Variants in CBFA2T3 observed in about 807,000 individuals in gnomAD.
CBFA2T3 encodes CBFA2/RUNX1 partner transcriptional co-repressor 3, also known as transcriptional corepressor CBFA2T3.
In CBFA2T3, 31 loss-of-function variants were observed where a neutral mutation model predicts 58.6. That is an observed-to-expected ratio of 0.53 (90% CI 0.40 to 0.71). CBFA2T3 has a LOEUF of 0.71. Among genes scored for constraint, CBFA2T3 ranks in the 30% least tolerant of loss-of-function variants. The pLI is 0.00. For synonymous variants in CBFA2T3, 531 were observed against 421.9 expected (o/e 1.26, Z -3.17); for missense variants, 1,076 against 963.1 (o/e 1.12, Z -1.55).
chr16:88,951,555 G>C (rs542413808), intron 1 of CBFA2T3: 2 of 364,682 alleles, frequency 5.5e-6, no homozygotes, highest in African/African-American at 4.3e-5. Flanking sequence ...GGTGGCGACC[G>C]GGTTGCTGCC....
At chr16:88,970,943 G>T (rs1972640267) in intron 1 of CBFA2T3, among the ~76,000 whole-genome samples, 1 of 152,154 alleles carries the variant, frequency 6.6e-6, no homozygotes, top group Admixed American at 6.5e-5. Flanking sequence ...CGGTCGGGAG[G>T]GGGCTCCTCG....
At chr16:88,877,376 G>A (rs1245777323) in intron 11 of CBFA2T3, 101 bp from the exon 12 acceptor site, 3 of 935,586 alleles carry the variant, frequency 3.2e-6, no homozygotes, top group African/African-American at 1.7e-5. Context: ...GTCATCACCA[G>A]GTGAGAAGAG....
chr16:88,892,214 C>T (rs1716342887), intron 4 of CBFA2T3, 30 bp downstream of exon 4: 3 of 1,594,060 alleles, frequency 1.9e-6, no homozygotes, highest in African/African-American at 2.7e-5. Context: ...ATGCATGTCC[C>T]AAGGCCCCGG....
rs1235624456 is a variant in CBFA2T3, at chr16:88,976,761, C to A, written c.47G>T (p.Gly16Val). 1.3e-6 allele frequency: 2 copies of A among 1,557,214 alleles called. No homozygotes were observed. The highest frequency in any genetic ancestry group is 1.2e-5 in the South Asian group (1 of 84,486). ...CTGGGACATGGAGCCACAGGTGGATCCCGAGGCTGAACTGGCTGCCCTGTC... is the reference window on the plus strand; with the variant it reads ...CTGGGACATGGAGCCACAGGTGGATACCGAGGCTGAACTGGCTGCCCTGTC... ...LRDRAASSAS[G>V]STCGSMSQTH... The change falls in exon 1 of 12, where the codon GGA (glycine) becomes GTA (valine). Residue 16 changes from glycine (G) to valine (V), a missense_variant. Transcript: ENST00000268679.
intron 7 of CBFA2T3, chr16:88,884,506 T>G (rs1288203842): frequency 6.6e-6 from 1 of 152,582 alleles, no homozygotes; most frequent in Non-Finnish European, 1.5e-5. Flanking sequence ...GCCACCCCAC[T>G]GACGGGCTCA....
intron 11 of CBFA2T3, among the ~76,000 whole-genome samples, chr16:88,878,153 C>G (rs963052608): frequency 6.6e-6 from 1 of 152,264 alleles, no homozygotes; most frequent in Non-Finnish European, 1.5e-5. Flanking sequence ...CAGGTGTCAC[C>G]TGCCGTGAGG....
chr16:88,901,218 T>C (rs765615203), intron 2 of CBFA2T3, among the ~76,000 whole-genome samples: 15 of 152,204 alleles, frequency 9.9e-5, no homozygotes, highest in African/African-American at 2.7e-4. Flanking sequence ...GTGAAAGGCC[T>C]GTGTGGACTC....
At chr16:88,894,054 C>A (rs1380737038) in intron 3 of CBFA2T3, among the ~76,000 whole-genome samples, 1 of 152,164 alleles carries the variant, frequency 6.6e-6, no homozygotes, top group African/African-American at 2.4e-5. Flanking sequence ...CCGCCTCCTG[C>A]AGAAGGACAC....
At chr16:88,897,996 C>T in intron 3 of CBFA2T3, 82 bp downstream of exon 3, 2 of 1,031,404 alleles carry the variant, frequency 1.9e-6, no homozygotes, top group Non-Finnish European at 3.1e-6. Context: ...CTGAGCGCCC[C>T]CAGGGCAGCA....
intron 1 of CBFA2T3, among the ~76,000 whole-genome samples, chr16:88,940,699 C>T (rs916515454): frequency 6.6e-6 from 1 of 152,214 alleles, no homozygotes; most frequent in African/African-American, 2.4e-5. Context: ...TCCCCACTCC[C>T]GGGTCTCCGT....
At chr16:88,944,423 A>G (rs975611053) in intron 1 of CBFA2T3, among the ~76,000 whole-genome samples, 6 of 151,344 alleles carry the variant, frequency 4.0e-5, no homozygotes, top group Non-Finnish European at 1.5e-5. Flanking sequence ...CCCCATCAGC[A>G]TCTGGTGCCC....
At chr16:88,913,304 G>A (rs961816812) in intron 1 of CBFA2T3, among the ~76,000 whole-genome samples, 7 of 152,220 alleles carry the variant, frequency 4.6e-5, no homozygotes, top group South Asian at 4.1e-4. Flanking sequence ...GGCTGACCAC[G>A]GACCAGCCAG....
chr16:88,970,271 G>A (rs762268682), intron 1 of CBFA2T3, among the ~76,000 whole-genome samples: 10 of 152,190 alleles, frequency 6.6e-5, no homozygotes, highest in Non-Finnish European at 1.0e-4. Context: ...TCGGCGACGC[G>A]GGTGTCAGGC....
chr16:88,881,318 AGCT>A lies in CBFA2T3; in HGVS notation c.1372_1374del (p.Ser459del), dbSNP rs1567573898. On this transcript the variant is annotated inframe_deletion, in exon 9 of 12. Transcript: ENST00000268679. ...AGCTGAGGCCCTTCGGGACCGGCGG[AGCT>A]GCTGCGGGGCCGGGCCGCGGCGGGA... The A allele has an allele frequency of 2.5e-6, 4 of 1,589,866 alleles. No homozygotes were observed. The South Asian group carries it at 4.5e-5, about 18-fold the overall frequency.
At chr16:88,949,220 T>G (rs537277680) in intron 1 of CBFA2T3, among the ~76,000 whole-genome samples, 1 of 152,292 alleles carries the variant, frequency 6.6e-6, no homozygotes, top group African/African-American at 2.4e-5. Flanking sequence ...CGTGTAGGCA[T>G]GAGCAACTTC....
chr16:88,926,364 C>T (rs1227702975), intron 1 of CBFA2T3, among the ~76,000 whole-genome samples: 1 of 152,238 alleles, frequency 6.6e-6, no homozygotes, highest in Non-Finnish European at 1.5e-5. Flanking sequence ...CCCAAGCGCT[C>T]CGAGGGACCT....
intron 1 of CBFA2T3, among the ~76,000 whole-genome samples, chr16:88,969,643 C>T (rs1027138685): frequency 2.6e-5 from 4 of 152,216 alleles, no homozygotes; most frequent in African/African-American, 4.8e-5. Flanking sequence ...GAGAGGGGGG[C>T]GGGGCCGGCC....
chr16:88,888,335 C>G (rs1969465097), intron 5 of CBFA2T3, among the ~76,000 whole-genome samples: 1 of 147,644 alleles, frequency 6.8e-6, no homozygotes, highest in Non-Finnish European at 1.5e-5. Context: ...CAGCCCAGGC[C>G]ACAGTCAGGA....
chr16:88,961,159 C>G (rs1213209505), intron 1 of CBFA2T3, among the ~76,000 whole-genome samples: 2 of 152,168 alleles, frequency 1.3e-5, no homozygotes, highest in African/African-American at 4.8e-5. Flanking sequence ...CTAGAGCTTT[C>G]TAAACCTGCT....
Sources: gnomAD v4.1 joint callset for allele counts (sites outside exome capture counted in the v4.1 genomes callset) on GRCh38, gnomAD v4.1.1 for gene constraint, MANE v1.5 for transcripts, NCBI Gene and HGNC (gene_info 2026-07-23, HGNC 2026-07-21) for gene names.